Variants in DHH observed in about 807,000 individuals in gnomAD.
DHH encodes the protein desert hedgehog protein.
In DHH, 16 loss-of-function variants were observed where a neutral mutation model predicts 27.6. The ratio of observed to expected loss-of-function variants is 0.58; its 90% confidence interval spans 0.39 to 0.88. The LOEUF is 0.88. Among genes scored for constraint, DHH ranks in the 40% least tolerant of loss-of-function variants. DHH has a pLI of 0.00. For synonymous variants in DHH, 289 were observed against 263.4 expected (o/e 1.10, Z -0.94); for missense variants, 436 against 563.1 (o/e 0.77, Z 2.28).
chr12:49,089,056 T>C lies in DHH; in HGVS notation c.*803A>G, dbSNP rs2120818033. On this transcript the variant is annotated 3_prime_UTR_variant, in exon 3 of 3. Coordinates refer to ENST00000649637, the MANE Select transcript of DHH (RefSeq NM_021044.4). The stretch of plus-strand genomic sequence containing the variant: ...AAGGTAGGATGGGGACCAGGACTAC[T>C]GGCTAACAATAGGGGACTAGATGCT... Among the ~76,000 whole-genome samples, 1 of 152,340 alleles carries C rather than the reference T, an allele frequency of 6.6e-6. No individual in the cohort carries two copies. Among genetic ancestry groups the C allele is most frequent in the Non-Finnish European group, 1.5e-5 (1 of 68,030 alleles).
At position 49,090,124 on chromosome 12, in the gene DHH, C is replaced by A. The variant is rs886049490; in HGVS notation, c.926G>T (p.Arg309Leu). 39 of 1,507,076 alleles carry A rather than the reference C, an allele frequency of 2.6e-5. No individual in the cohort carries two copies. The highest frequency in any genetic ancestry group is 2.7e-5 in the Non-Finnish European group (31 of 1,128,862). 93.4% of individuals were successfully genotyped at this position (1,507,076 alleles called of 1,614,324 possible). A position where few individuals can be genotyped will look rare whatever the true frequency, so the allele number is the denominator to read the frequency against. The stretch of plus-strand genomic sequence containing the variant: ...CGCCACACGGGCCACGCGCGCTGGC[C>A]GAAGCGCATCCCCGCCGGGCGCCAG... ...SVLAPGGDAL[R>L]PARVARVARE... is the part of the protein sequence containing the mutation. The change falls in exon 3 of 3, where the codon CGG becomes CTG. Residue 309 changes from arginine (R) to leucine (L), a missense_variant. Transcript: ENST00000649637. This position sits in a 1 kb window ranked among gnomAD's most constrained non-coding sequence, Gnocchi z 5.2.
chr12:49,093,828 G>GACCC (rs1776307467), intron 1 of DHH, among the ~76,000 whole-genome samples: 1 of 152,122 alleles, frequency 6.6e-6, no homozygotes, highest in East Asian at 1.9e-4. Flanking sequence ...CCAGGCTTCT[G>GACCC]TCTGCTACCT....
Position 49,090,109 on chromosome 12 carries a change from G to A in DHH, c.941C>T (p.Ala314Val), listed in dbSNP as rs1262859005. The A allele has an allele frequency of 4.0e-6, 6 of 1,514,406 alleles. No individual in the cohort carries two copies. In the African/African-American group the frequency reaches 8.6e-5, roughly 22 times the overall value. 93.8% of individuals were successfully genotyped at this position (1,514,406 alleles called of 1,614,324 possible). A position where few individuals can be genotyped will look rare whatever the true frequency, so the allele number is the denominator to read the frequency against. ...GGDALRPARV[A>V]RVAREEAVGV... is the part of the protein sequence containing the mutation. ...CACGGCTTCCTCCCGCGCCACACGGGCCACGCGCGCTGGCCGAAGCGCATC... is the reference window on the plus strand; with the variant it reads ...CACGGCTTCCTCCCGCGCCACACGGACCACGCGCGCTGGCCGAAGCGCATC... Residue 314 changes from alanine (A) to valine (V), a missense_variant, in exon 3 of 3, where the codon GCC becomes GTC. Physicochemically the swap from Ala to Val is moderately conservative, Grantham distance 64. Transcript: ENST00000649637. This position sits in a 1 kb window ranked among gnomAD's most constrained non-coding sequence, Gnocchi z 5.2.
At position 49,091,021 on chromosome 12, in the gene DHH, C is replaced by T; in HGVS notation, c.565+107G>A. On this transcript the variant is annotated intron_variant, in intron 2 of 2. Transcript: ENST00000649637. This position sits in a 1 kb window ranked among gnomAD's most constrained non-coding sequence, Gnocchi z 4.8. ...CGGCCTGGACGGGTGGTTTTCAACA[C>T]TAAAGCCCGCTTGGTCTCCCCTAGG... The T allele has an allele frequency of 6.3e-7, 1 of 1,580,044 alleles. No individual in the cohort carries two copies. The highest frequency in any genetic ancestry group is 8.7e-7 in the Non-Finnish European group (1 of 1,151,556).
chr12:49,091,534 C>T lies in DHH; in HGVS notation c.304-145G>A, dbSNP rs1463745248. 2 of 1,244,714 alleles carry T rather than the reference C, an allele frequency of 1.6e-6. No homozygotes were observed. Among genetic ancestry groups the T allele is most frequent in the South Asian group, 1.3e-5 (1 of 74,542 alleles). The allele number at this position is 1,244,714 out of a possible 1,614,324, so 77.1% of individuals were successfully genotyped here. A position where few individuals can be genotyped will look rare whatever the true frequency, so the allele number is the denominator to read the frequency against. ...GTCCTGGAGAAATGAGAATCTGAGT[C>T]GATGGTAGTCACCAATCTGCACTCT... is the stretch of plus-strand genomic sequence containing the variant. On this transcript the variant is annotated intron_variant, in intron 1 of 2. Transcript: ENST00000649637. This position sits in a 1 kb window ranked among gnomAD's most constrained non-coding sequence, Gnocchi z 4.8.
rs556515958 is a variant in DHH at position 49,088,362 on chromosome 12, C to T, written c.*1497G>A. Among the ~76,000 whole-genome samples, 8 of 152,298 alleles carry T rather than the reference C, an allele frequency of 5.3e-5. No homozygotes were observed. In the East Asian group the frequency reaches 1.3e-3, roughly 26 times the overall value. ...TTTGCGCAGGTCCAGTACACCCTTCCATGTCTGAGACCGCTTGCCTTCCGT... is the reference window on the plus strand; with the variant it reads ...TTTGCGCAGGTCCAGTACACCCTTCTATGTCTGAGACCGCTTGCCTTCCGT... On this transcript the variant is annotated 3_prime_UTR_variant, in exon 3 of 3. Coordinates refer to ENST00000649637, the MANE Select transcript of DHH (RefSeq NM_021044.4).
In DHH at chr12:49,090,858, C is replaced by A. The variant is rs377398783; in HGVS notation, c.565+270G>T. On this transcript the variant is annotated intron_variant, in intron 2 of 2. Transcript: ENST00000649637. The surrounding 1 kb of genome is among the most constrained non-coding windows in gnomAD (Gnocchi z 5.2). ...CCGGGATTACAGGCATACACCACCA[C>A]GCCCAACTAATTTTCGTATTTATAA... Among the ~76,000 whole-genome samples, 4 of 152,274 alleles carry A rather than the reference C, an allele frequency of 2.6e-5. No homozygotes were observed. Among genetic ancestry groups the A allele is most frequent in the East Asian group, 3.9e-4 (2 of 5,182 alleles).
Position 49,094,608 on chromosome 12 carries a change from C to T in DHH, c.-96G>A, listed in dbSNP as rs1030273985. The stretch of plus-strand genomic sequence containing the variant: ...CACAGGCACCAGAGAGGGCAGCAGG[C>T]ACAGCTGCCCCCAGAGTGCCCTAGA... On this transcript the variant is annotated 5_prime_UTR_variant, in exon 1 of 3. Transcript: ENST00000649637. 1 of 1,369,272 alleles carries T rather than the reference C, an allele frequency of 7.3e-7. No homozygotes were observed. The allele number at this position is 1,369,272 out of a possible 1,614,324, so 84.8% of individuals were successfully genotyped here. A position where few individuals can be genotyped will look rare whatever the true frequency, so the allele number is the denominator to read the frequency against.
Position 49,090,603 on chromosome 12 carries a change from C to A in DHH, c.566-119G>T, listed in dbSNP as rs1939282351. 7.3e-7 allele frequency: 1 copy of A among 1,373,860 alleles called. No individual in the cohort carries two copies. Among genetic ancestry groups the A allele is most frequent in the Admixed American group, 2.2e-5 (1 of 45,940 alleles). 85.1% of individuals were successfully genotyped at this position (1,373,860 alleles called of 1,614,324 possible). On this transcript the variant is annotated intron_variant, in intron 2 of 2. Transcript: ENST00000649637. This position sits in a 1 kb window ranked among gnomAD's most constrained non-coding sequence, Gnocchi z 5.2. ...ACAATTTTCCGTTAATCTGACTGGC[C>A]CCAACCTGGGCAGAAAAGGAAGGGC...
rs764525351 is a variant in DHH, at chr12:49,094,496, T to C, written c.17A>G (p.Asn6Ser). 3.2e-6 allele frequency: 5 copies of C among 1,559,938 alleles called. No individual in the cohort carries two copies. The African/African-American group carries it at 6.8e-5, about 21-fold the overall frequency. The change falls in exon 1 of 3, where the codon AAT (asparagine) becomes AGT (serine). Residue 6 changes from asparagine to serine, a missense_variant. Physicochemically the swap from Asn to Ser is conservative, Grantham distance 46. Transcript: ENST00000649637. MALLT[N>S]LLPLCCLALL... Reference sequence around the variant, plus strand: ...TGCCAAGCAGCACAGGGGCAGTAGATTGGTCAGGAGAGCCATGGATACAGC... The same window carrying C: ...TGCCAAGCAGCACAGGGGCAGTAGACTGGTCAGGAGAGCCATGGATACAGC...
At position 49,090,171 on chromosome 12, in the gene DHH, C is replaced by G. The variant is rs758273117; in HGVS notation, c.879G>C (p.Arg293=). 1.0e-5 allele frequency: 16 copies of G among 1,545,048 alleles called. No individual in the cohort carries two copies. Among genetic ancestry groups the G allele is most frequent in the Non-Finnish European group, 1.2e-5 (14 of 1,144,114 alleles). The change falls in exon 3 of 3, where the codon CGG becomes CGC. Residue 293 remains arginine (R), a synonymous_variant. Coordinates refer to ENST00000649637, the MANE Select transcript of DHH (RefSeq NM_021044.4). The surrounding 1 kb of genome is among the most constrained non-coding windows in gnomAD (Gnocchi z 5.2). ...CCAGCACCGAGTCCCCAGCGCGTAG[C>G]CGGCGCGCGAACACCGGTGCAAAGT... ...PGDFAPVFAR[R]LRAGDSVLAP...
rs1318356232 is a variant in DHH, at chr12:49,090,694, TG to T, written c.566-211del. On this transcript the variant is annotated intron_variant, in intron 2 of 2. Transcript: ENST00000649637. The surrounding 1 kb of genome is among the most constrained non-coding windows in gnomAD (Gnocchi z 5.2). The stretch of plus-strand genomic sequence containing the variant: ...ATGTATGTATGTATGTATGTATGTA[TG>T]TATGTATGTATGTATGTATTTTGAG... 6.0e-5 allele frequency among the ~76,000 whole-genome samples: 9 copies of T among 150,170 alleles called. No homozygotes were observed. The highest frequency in any genetic ancestry group is 1.2e-4 in the African/African-American group (5 of 41,100).
In DHH at chr12:49,089,755, TCTCC is replaced by T. The variant is rs1592184795; in HGVS notation, c.*100_*103del. 4.5e-5 allele frequency: 61 copies of T among 1,366,152 alleles called. No individual in the cohort carries two copies. The East Asian group carries it at 1.6e-3, about 36-fold the overall frequency. 84.6% of individuals were successfully genotyped at this position (1,366,152 alleles called of 1,614,324 possible). On this transcript the variant is annotated 3_prime_UTR_variant, in exon 3 of 3. Coordinates refer to ENST00000649637, the MANE Select transcript of DHH (RefSeq NM_021044.4). ...GCCCCATTTTCTCCCTCCCCCTCCC[TCTCC>T]CTCCCTTCCAGTCGGCATCGTCTGC...
Position 49,094,751 on chromosome 12 carries a change from G to C in DHH, c.-239C>G. 1 of 605,440 alleles carries C rather than the reference G, an allele frequency of 1.7e-6. No homozygotes were observed. Among genetic ancestry groups the C allele is most frequent in the South Asian group, 1.9e-5 (1 of 52,004 alleles). The allele number at this position is 605,440 out of a possible 1,614,324, so 37.5% of individuals were successfully genotyped here. A position where few individuals can be genotyped will look rare whatever the true frequency, so the allele number is the denominator to read the frequency against. On this transcript the variant is annotated 5_prime_UTR_variant, in exon 1 of 3. Coordinates refer to ENST00000649637, the MANE Select transcript of DHH (RefSeq NM_021044.4). ...CATCATAGCAGGGAAGGGGGGTCGT[G>C]GGTGAGTGCCAGCCCAGCCCGTCTC...
chr12:49,090,295 G>T lies in DHH; in HGVS notation c.755C>A (p.Ser252Ter), dbSNP rs546352683. ...CCACTCGGTCTCCACAGCCACAAATGAAGCCCGGCGCTGCAAGTCCCGGTC... is the reference window on the plus strand; with the variant it reads ...CCACTCGGTCTCCACAGCCACAAATTAAGCCCGGCGCTGCAAGTCCCGGTC... ...FLDRDLQRRASFVAVETEWPP... is the reference protein window; with the variant it reads ...FLDRDLQRRA Residue 252 changes from serine (S) to a stop codon, truncating the protein, a stop_gained, in exon 3 of 3, where the codon TCA (serine) becomes TAA (stop). Coordinates refer to ENST00000649637, the MANE Select transcript of DHH (RefSeq NM_021044.4). LOFTEE classifies it high-confidence loss of function. This position sits in a 1 kb window ranked among gnomAD's most constrained non-coding sequence, Gnocchi z 5.2. 1 of 1,588,636 alleles carries T rather than the reference G, an allele frequency of 6.3e-7. No individual in the cohort carries two copies. The highest frequency in any genetic ancestry group is 1.3e-5 in the African/African-American group (1 of 74,758).
Position 49,090,414 on chromosome 12 carries a change from C to T in DHH, c.636G>A (p.Glu212=). The T allele has an allele frequency of 6.2e-7, 1 of 1,609,612 alleles. No homozygotes were observed. Residue 212 remains glutamate, a synonymous_variant, in exon 3 of 3, where the codon GAG becomes GAA. Transcript: ENST00000649637. This position sits in a 1 kb window ranked among gnomAD's most constrained non-coding sequence, Gnocchi z 5.2. ...GNATVRLWSG[E]RKGLRELHRG... ...GGTGCAGTTCCCGCAGCCCTTTCCG[C>T]TCGCCGCTCCACAGGCGCACAGTTG... is the stretch of plus-strand genomic sequence containing the variant.
rs1939293812 is a variant in DHH, at chr12:49,091,079, C to T, written c.565+49G>A. 4 of 1,613,832 alleles carry T rather than the reference C, an allele frequency of 2.5e-6. No homozygotes were observed. The highest frequency in any genetic ancestry group is 3.4e-6 in the Non-Finnish European group (4 of 1,179,800). On this transcript the variant is annotated intron_variant, in intron 2 of 2. Transcript: ENST00000649637. The surrounding 1 kb of genome is among the most constrained non-coding windows in gnomAD (Gnocchi z 4.8). ...CAGTACTACTGCAGACTCAGTTTCC[C>T]GGAGGGAGCCCCCTTTGGGCGGATT...
chr12:49,093,480 A>C (rs1939339305), intron 1 of DHH, among the ~76,000 whole-genome samples: 1 of 152,136 alleles, frequency 6.6e-6, no homozygotes, highest in South Asian at 2.1e-4. Context: ...TGGTAGTTGA[A>C]TTTATCCTAA....
rs948132980 is a variant in DHH, at chr12:49,087,838, C to T, written c.*2021G>A. ...CACCTGTGGTGACATGACAGGAAGGCACCAGATCTGATAAAAAGAGACAAG... is the reference window on the plus strand; with the variant it reads ...CACCTGTGGTGACATGACAGGAAGGTACCAGATCTGATAAAAAGAGACAAG... On this transcript the variant is annotated 3_prime_UTR_variant, in exon 3 of 3. Transcript: ENST00000649637. Among the ~76,000 whole-genome samples the T allele has an allele frequency of 2.6e-5, 4 of 152,096 alleles. No individual in the cohort carries two copies. Among genetic ancestry groups the T allele is most frequent in the African/African-American group, 7.2e-5 (3 of 41,398 alleles).
Sources: gnomAD v4.1 joint callset for allele counts (sites outside exome capture counted in the v4.1 genomes callset) on GRCh38, gnomAD v4.1.1 for gene constraint, Gnocchi (gnomAD v3.1) non-coding constraint, MANE v1.5 for transcripts, NCBI Gene and HGNC (gene_info 2026-07-23, HGNC 2026-07-21) for gene names.